NXPH2: variants seen among roughly 807,000 people sequenced by gnomAD.
NXPH2 encodes the protein neurexophilin 2, also known as neurexophilin-2.
A neutral mutation model predicts 19.8 loss-of-function variants in NXPH2; 5 were observed. That is an observed-to-expected ratio of 0.25 (90% confidence interval 0.13 to 0.53). NXPH2 has a LOEUF of 0.53. Ranked by LOEUF, NXPH2 falls within the 20% of genes least tolerant of loss-of-function variation. The probability of loss-of-function intolerance (pLI) is 0.96; values close to 1 mark genes in which losing one functional copy is unlikely to be tolerated. For synonymous variants in NXPH2, 154 were observed against 127.4 expected, an observed-to-expected ratio of 1.21 and a Z score of -1.41; for missense variants, 289 against 322.8, an observed-to-expected ratio of 0.90 and a Z score of 0.80.
At chr2:138,779,611 C>T (rs2104848402) in intron 1 of NXPH2, among the ~76,000 whole-genome samples, 1 of 152,188 alleles carries the variant, frequency 6.6e-6, no homozygotes, top group South Asian at 2.1e-4. Flanking sequence ...GCAGAAAGCC[C>T]CATCCCAGTC....
At chr2:138,730,822 C>T (rs1265837565) in intron 1 of NXPH2, among the ~76,000 whole-genome samples, 3 of 152,186 alleles carry the variant, frequency 2.0e-5, no homozygotes, top group Non-Finnish European at 4.4e-5. Flanking sequence ...ACCACAAAAC[C>T]CATGAGCATA....
intron 1 of NXPH2, among the ~76,000 whole-genome samples, chr2:138,695,115 T>C (rs1455975258): frequency 1.3e-5 from 2 of 152,186 alleles, no homozygotes; most frequent in East Asian, 3.8e-4. Flanking sequence ...CGCTGTTGAC[T>C]AAAATGGTAT....
Position 138,669,208 on chromosome 2 carries a change from A to G in NXPH2, c.*1714T>C, listed in dbSNP as rs1191075396. Among the ~76,000 whole-genome samples, 2 of 152,162 alleles carry G rather than the reference A, an allele frequency of 1.3e-5. No individual in the cohort carries two copies. Among genetic ancestry groups the G allele is most frequent in the East Asian group, 1.9e-4 (1 of 5,206 alleles). The stretch of plus-strand genomic sequence containing the variant: ...TTTTATTTACATAAAATGTGTACAC[A>G]TACTTTCTCTGTACACAGAAAATTC... On this transcript the variant is annotated 3_prime_UTR_variant, in exon 2 of 2. Transcript: ENST00000272641.
chr2:138,693,936 A>C (rs1680786950), intron 1 of NXPH2, among the ~76,000 whole-genome samples: 2 of 152,196 alleles, frequency 1.3e-5, no homozygotes, highest in South Asian at 4.1e-4. Context: ...GTAGGCTTTA[A>C]AAATAGCCTT....
chr2:138,675,634 T>TA (rs1368387994), intron 1 of NXPH2, among the ~76,000 whole-genome samples: 2 of 152,078 alleles, frequency 1.3e-5, no homozygotes, highest in Non-Finnish European at 2.9e-5. Context: ...TGACTCTCTT[T>TA]AAAAAAATGA....
chr2:138,677,226 T>C (rs920810625), intron 1 of NXPH2, among the ~76,000 whole-genome samples: 4 of 152,226 alleles, frequency 2.6e-5, no homozygotes, highest in Admixed American at 2.6e-4. Flanking sequence ...ATCCCTGCTG[T>C]CTTTTCCCCC....
chr2:138,670,191 T>C lies in NXPH2; in HGVS notation c.*731A>G, dbSNP rs1680393337. Among the ~76,000 whole-genome samples the C allele has an allele frequency of 6.6e-6, 1 of 152,234 alleles. No individual in the cohort carries two copies. Among genetic ancestry groups the C allele is most frequent in the Non-Finnish European group, 1.5e-5 (1 of 68,038 alleles). On this transcript the variant is annotated 3_prime_UTR_variant, in exon 2 of 2. Transcript: ENST00000272641. Reference sequence around the variant, plus strand: ...TTATCAGAAGAGTCTAAAAACATCATGATTTTTGTTATCGTTCAACAAACT... The same window carrying C: ...TTATCAGAAGAGTCTAAAAACATCACGATTTTTGTTATCGTTCAACAAACT...
intron 1 of NXPH2, among the ~76,000 whole-genome samples, chr2:138,755,140 T>C (rs1369214856): frequency 6.6e-6 from 1 of 152,148 alleles, no homozygotes; most frequent in East Asian, 1.9e-4. Context: ...TATCTCAGTA[T>C]ACGGCTTATC....
intron 1 of NXPH2, among the ~76,000 whole-genome samples, chr2:138,678,097 A>G (rs1040591414): frequency 1.3e-5 from 2 of 152,246 alleles, no homozygotes; most frequent in African/African-American, 4.8e-5. Flanking sequence ...TAGGTTACAA[A>G]GATTCTCAAC....
chr2:138,722,962 A>G (rs554867837), intron 1 of NXPH2, among the ~76,000 whole-genome samples: 28 of 152,294 alleles, frequency 1.8e-4, no homozygotes, highest in African/African-American at 6.7e-4. Context: ...GCCATTGCTT[A>G]TTGCCTGCTG....
At chr2:138,757,915 A>T (rs1020391746) in intron 1 of NXPH2, among the ~76,000 whole-genome samples, 3 of 151,990 alleles carry the variant, frequency 2.0e-5, no homozygotes, top group Non-Finnish European at 4.4e-5. Flanking sequence ...ACATACCTTA[A>T]TGAATTTTCT....
At chr2:138,769,923 G>C (rs1682149787) in intron 1 of NXPH2, among the ~76,000 whole-genome samples, 1 of 152,060 alleles carries the variant, frequency 6.6e-6, no homozygotes, top group South Asian at 2.1e-4. Context: ...GGCAAAACAG[G>C]GCGCAAATTC....
At chr2:138,756,111 TAATATTTATTAATTAAATG>T (rs1229049554) in intron 1 of NXPH2, among the ~76,000 whole-genome samples, 3 of 152,040 alleles carry the variant, frequency 2.0e-5, no homozygotes, top group Non-Finnish European at 4.4e-5. Context: ...TTCAATAATG[TAATATTTATTAATTAAATG>T]AATATTTATT....
chr2:138,680,714 T>A (rs1463465389), intron 1 of NXPH2, among the ~76,000 whole-genome samples: 1 of 152,148 alleles, frequency 6.6e-6, no homozygotes, highest in African/African-American at 2.4e-5. Flanking sequence ...ACAATTAATA[T>A]CTTTATTTGG....
At chr2:138,678,609 G>A (rs1399354563) in intron 1 of NXPH2, among the ~76,000 whole-genome samples, 1 of 151,750 alleles carries the variant, frequency 6.6e-6, no homozygotes, top group Non-Finnish European at 1.5e-5. Context: ...AATTATCCTG[G>A]CAATTTTACA....
intron 1 of NXPH2, among the ~76,000 whole-genome samples, chr2:138,730,131 A>G (rs778823100): frequency 6.6e-6 from 1 of 151,900 alleles, no homozygotes; most frequent in Non-Finnish European, 1.5e-5. Flanking sequence ...CACTAGTCAT[A>G]TTGGACTAGG....
At chr2:138,744,732 T>C (rs2105008134) in intron 1 of NXPH2, among the ~76,000 whole-genome samples, 1 of 152,318 alleles carries the variant, frequency 6.6e-6, no homozygotes, top group East Asian at 1.9e-4. Flanking sequence ...CCTTAAGGTC[T>C]GCTTTTTCCC....
intron 1 of NXPH2, among the ~76,000 whole-genome samples, chr2:138,690,714 C>A (rs1193847519): frequency 2.1e-5 from 3 of 140,630 alleles, no homozygotes; most frequent in African/African-American, 7.3e-5. Context: ...CCATTTCACA[C>A]ATACTTGGGG....
chr2:138,679,494 G>A (rs1014596196), intron 1 of NXPH2, among the ~76,000 whole-genome samples: 1 of 149,892 alleles, frequency 6.7e-6, no homozygotes, highest in Non-Finnish European at 1.5e-5. Context: ...TCCACCTCCC[G>A]GGTTCACGCC....
Sources: allele counts gnomAD v4.1 joint callset (sites outside exome capture counted in the v4.1 genomes callset), GRCh38; gene constraint gnomAD v4.1.1; transcripts MANE v1.5; gene names NCBI Gene and HGNC (gene_info 2026-07-23, HGNC 2026-07-21).